NAV2: variants seen among roughly 807,000 people sequenced by gnomAD.
NAV2 encodes the protein neuron navigator 2, also known as helicase, APC down-regulated 1.
NAV2 carries 54 observed loss-of-function variants against 223.2 expected under a neutral mutation model. The ratio of observed to expected loss-of-function variants is 0.24; its 90% CI spans 0.19 to 0.30. NAV2 has a LOEUF of 0.30. NAV2 is among the 10% of genes least tolerant of loss of function. NAV2 has a pLI of 1.00. For missense variants in NAV2, 2,806 were observed against 3,147.5 expected, an observed-to-expected ratio of 0.89 and a Z score of 2.60; for synonymous variants, 1,279 against 1,239.3, an observed-to-expected ratio of 1.03 and a Z score of -0.67.
At chr11:19,926,049 G>C (rs2044717586) in intron 6 of NAV2, among the ~76,000 whole-genome samples, 1 of 152,028 alleles carries the variant, frequency 6.6e-6, no homozygotes, top group African/African-American at 2.4e-5. Flanking sequence ...AGATTGTTTT[G>C]ATTTTTGGGG....
At chr11:19,398,486 A>G (rs1849555015) in intron 1 of NAV2, among the ~76,000 whole-genome samples, 1 of 151,982 alleles carries the variant, frequency 6.6e-6, no homozygotes, top group South Asian at 2.1e-4. Flanking sequence ...TGTCCCTTTA[A>G]ACATAGCTGG....
intron 21 of NAV2, 38 bp from the exon 22 acceptor site, chr11:20,068,286 C>T: frequency 1.9e-6 from 3 of 1,609,068 alleles, no homozygotes; most frequent in Non-Finnish European, 2.6e-6. Context: ...TGGAAATGGA[C>T]CCCCAAAGCA....
intron 1 of NAV2, among the ~76,000 whole-genome samples, chr11:19,496,172 C>G (rs956986246): frequency 4.6e-5 from 7 of 152,234 alleles, no homozygotes; most frequent in African/African-American, 1.7e-4. Flanking sequence ...ATATTTTTCT[C>G]TGATTAAAAA....
intron 1 of NAV2, among the ~76,000 whole-genome samples, chr11:19,738,394 A>G (rs1187282527): frequency 6.6e-6 from 1 of 152,238 alleles, no homozygotes; most frequent in African/African-American, 2.4e-5. Flanking sequence ...TGTAGATCAT[A>G]AATGTGGGTG....
intron 1 of NAV2, among the ~76,000 whole-genome samples, chr11:19,614,307 A>C (rs2046729919): frequency 6.6e-6 from 1 of 152,042 alleles, no homozygotes; most frequent in African/African-American, 2.4e-5. Context: ...CCTCCTGGAA[A>C]CCCCTTGGCT....
At chr11:19,492,881 G>A (rs1004200728) in intron 1 of NAV2, among the ~76,000 whole-genome samples, 2 of 152,124 alleles carry the variant, frequency 1.3e-5, no homozygotes, top group East Asian at 3.9e-4. Context: ...GATGTGACAC[G>A]GTACATCCTA....
At chr11:20,022,940 TG>T in intron 11 of NAV2, 1 of 1,324,794 alleles carries the variant, frequency 7.5e-7, no homozygotes, top group South Asian at 1.7e-5. Flanking sequence ...TTTCCTGGCC[TG>T]GGGAATGGTG....
At chr11:20,081,408 A>C (rs2060083751) in intron 25 of NAV2, among the ~76,000 whole-genome samples, 1 of 152,238 alleles carries the variant, frequency 6.6e-6, no homozygotes, top group Non-Finnish European at 1.5e-5. Context: ...ATTTTCTTCA[A>C]GAAATAAAAC....
intron 1 of NAV2, among the ~76,000 whole-genome samples, chr11:19,491,818 G>T (rs2042636224): frequency 6.6e-6 from 1 of 152,082 alleles, no homozygotes; most frequent in Non-Finnish European, 1.5e-5. Flanking sequence ...TCCTCACTAA[G>T]CTTAATAGTT....
rs116880174 is a variant in NAV2 at position 19,948,448 on chromosome 11, C to T, written c.2256-243C>T. Among the ~76,000 whole-genome samples the T allele has an allele frequency of 2.4e-3, 361 of 152,210 alleles. 1 individual carries two copies. The highest frequency in any genetic ancestry group is 4.0e-3 in the Non-Finnish European group (270 of 68,022). ...TTGAGGTCATTTAATTAAAGTAATT[C>T]GTTTCTTGTACCATGTTTTAGCAGG... On this transcript the variant is annotated intron_variant, in intron 9 of 37. Coordinates refer to ENST00000349880, the MANE Select transcript of NAV2 (RefSeq NM_145117.5).
At chr11:19,924,302 A>C (rs542145826) in intron 6 of NAV2, among the ~76,000 whole-genome samples, 9 of 152,172 alleles carry the variant, frequency 5.9e-5, no homozygotes, top group South Asian at 2.1e-4. Context: ...CTTTAAAAAA[A>C]AAAAAAAAAC....
intron 3 of NAV2, among the ~76,000 whole-genome samples, chr11:19,852,099 C>G (rs2061177717): frequency 6.6e-6 from 1 of 152,182 alleles, no homozygotes; most frequent in African/African-American, 2.4e-5. Flanking sequence ...CTGCCAAATC[C>G]TAGGTTTTAG....
chr11:19,660,416 C>T (rs910161385), intron 1 of NAV2, among the ~76,000 whole-genome samples: 4 of 152,128 alleles, frequency 2.6e-5, no homozygotes, highest in Non-Finnish European at 5.9e-5. Context: ...TTCATACGTT[C>T]CTGAACTCAA....
At chr11:20,064,156 C>T (rs1206739672) in intron 20 of NAV2, among the ~76,000 whole-genome samples, 2 of 152,218 alleles carry the variant, frequency 1.3e-5, no homozygotes, top group African/African-American at 4.8e-5. Context: ...GATGGTCTTT[C>T]AGCTGTCAGC....
chr11:19,701,785 G>GT (rs944304524), intron 1 of NAV2, among the ~76,000 whole-genome samples: 6 of 152,092 alleles, frequency 3.9e-5, no homozygotes, highest in African/African-American at 1.4e-4. Context: ...TGTGTATTTT[G>GT]TTTTTTTCCA....
intron 11 of NAV2, among the ~76,000 whole-genome samples, chr11:20,031,407 T>G (rs576984746): frequency 6.6e-6 from 1 of 152,382 alleles, no homozygotes; most frequent in African/African-American, 2.4e-5. Context: ...GAGTGAATTC[T>G]GCATGCTTTC....
chr11:19,748,788 C>G (rs911153084), intron 1 of NAV2, among the ~76,000 whole-genome samples: 2 of 152,156 alleles, frequency 1.3e-5, no homozygotes, highest in African/African-American at 4.8e-5. Context: ...GAGGTGCAGA[C>G]CAAAGAGAAA....
intron 1 of NAV2, among the ~76,000 whole-genome samples, chr11:19,375,849 A>G (rs1848624603): frequency 2.6e-5 from 4 of 152,140 alleles, no homozygotes; most frequent in Admixed American, 2.6e-4. Flanking sequence ...TGTGTTTACG[A>G]TCATTTTATT....
intron 1 of NAV2, among the ~76,000 whole-genome samples, chr11:19,601,148 C>G (rs1394412254): frequency 2.6e-5 from 4 of 152,202 alleles, no homozygotes; most frequent in Non-Finnish European, 4.4e-5. Flanking sequence ...ATGAGTTACC[C>G]AAAGCCTAGG....
Sources: allele counts gnomAD v4.1 joint callset (sites outside exome capture counted in the v4.1 genomes callset), GRCh38; gene constraint gnomAD v4.1.1; transcripts MANE v1.5; gene names NCBI Gene and HGNC (gene_info 2026-07-23, HGNC 2026-07-21).